The following ADARB2 variants were observed in gnomAD, a reference collection of about 807,000 sequenced individuals.
The protein encoded by ADARB2 is inactive double-stranded RNA-specific editase B2.
Under a neutral mutation model 62.2 loss-of-function variants are expected in ADARB2, and 25 were observed. That is an observed-to-expected ratio of 0.40 (90% CI 0.29 to 0.56). ADARB2 has a LOEUF of 0.56. Among genes scored for constraint, ADARB2 ranks in the 20% least tolerant of loss-of-function variants. The probability of loss-of-function intolerance (pLI) is 0.43; values close to 1 mark genes in which losing one functional copy is unlikely to be tolerated. For missense variants in ADARB2, 1,071 were observed against 1,077.4 expected, an observed-to-expected ratio of 0.99 and a Z score of 0.08; for synonymous variants, 572 against 500.8, an observed-to-expected ratio of 1.14 and a Z score of -1.90.
chr10:1,363,583 C>T lies in ADARB2; in HGVS notation c.522G>A (p.Lys174=), dbSNP rs2131850871. 2 of 1,589,262 alleles carry T rather than the reference C, an allele frequency of 1.3e-6. No homozygotes were observed. The highest frequency in any genetic ancestry group is 1.7e-6 in the Non-Finnish European group (2 of 1,168,504). Residue 174 remains lysine, a synonymous_variant, in exon 3 of 10, where the codon AAG becomes AAA. Coordinates refer to ENST00000381312, the MANE Select transcript of ADARB2 (RefSeq NM_018702.4). ...GLTFEGTGPT[K]KKAKMRAAEL... is the part of the protein sequence containing the mutation. ...CCGCCGCGCGCATCTTGGCCTTCTT[C>T]TTGGTGGGGCCTGTGCCCTCGAACG... is the stretch of plus-strand genomic sequence containing the variant.
At chr10:1,220,056 G>A (rs1830672897) in intron 6 of ADARB2, among the ~76,000 whole-genome samples, 2 of 149,990 alleles carry the variant, frequency 1.3e-5, no homozygotes, top group Admixed American at 6.7e-5. Context: ...TGATGGTGGT[G>A]GTGGTGATGA....
At chr10:1,482,605 A>G (rs1291279400) in intron 1 of ADARB2, among the ~76,000 whole-genome samples, 1 of 152,240 alleles carries the variant, frequency 6.6e-6, no homozygotes, top group African/African-American at 2.4e-5. Flanking sequence ...AGGTGTTGGC[A>G]CAACACTGAG....
At chr10:1,387,697 T>C (rs920492301) in intron 1 of ADARB2, among the ~76,000 whole-genome samples, 1 of 152,156 alleles carries the variant, frequency 6.6e-6, no homozygotes, top group Non-Finnish European at 1.5e-5. Context: ...ATACCAATTC[T>C]GTGCAAAATT....
intron 1 of ADARB2, among the ~76,000 whole-genome samples, chr10:1,730,169 C>T (rs1468957711): frequency 6.6e-6 from 1 of 152,162 alleles, no homozygotes; most frequent in African/African-American, 2.4e-5. Context: ...AATGGCAAAA[C>T]AACAGCCACA....
chr10:1,474,209 G>C (rs1262855435), intron 1 of ADARB2, among the ~76,000 whole-genome samples: 1 of 152,326 alleles, frequency 6.6e-6, no homozygotes, highest in East Asian at 1.9e-4. Flanking sequence ...TCTTCTCCAT[G>C]GACACCCTGC....
chr10:1,262,489 C>A (rs1035907070), intron 4 of ADARB2, among the ~76,000 whole-genome samples: 1 of 152,040 alleles, frequency 6.6e-6, no homozygotes, highest in African/African-American at 2.4e-5. Context: ...TGAACAGACA[C>A]TTCTCAAAAG....
intron 4 of ADARB2, among the ~76,000 whole-genome samples, chr10:1,266,271 C>T (rs746763631): frequency 1.3e-5 from 2 of 152,348 alleles, no homozygotes; most frequent in South Asian, 4.1e-4. Context: ...GAGGGCCCAG[C>T]CTCGTGCCTG....
intron 1 of ADARB2, among the ~76,000 whole-genome samples, chr10:1,594,356 C>G (rs900339861): frequency 7.2e-5 from 11 of 152,100 alleles, no homozygotes; most frequent in Non-Finnish European, 1.6e-4. Flanking sequence ...TGACTGCCTC[C>G]CGGGGCGAGG....
intron 1 of ADARB2, among the ~76,000 whole-genome samples, chr10:1,416,912 T>C (rs1325639767): frequency 2.6e-5 from 4 of 151,488 alleles, no homozygotes; most frequent in Admixed American, 2.6e-4. Flanking sequence ...AGAAGGGAGG[T>C]GGGTGCAGCA....
intron 1 of ADARB2, among the ~76,000 whole-genome samples, chr10:1,529,845 A>G (rs1409836443): frequency 1.3e-5 from 2 of 152,124 alleles, no homozygotes; most frequent in African/African-American, 4.8e-5. Flanking sequence ...ATGGCTGGGA[A>G]GCCGCTCTCT....
intron 1 of ADARB2, among the ~76,000 whole-genome samples, chr10:1,612,791 G>A (rs549662432): frequency 1.4e-4 from 22 of 152,300 alleles, no homozygotes; most frequent in South Asian, 2.1e-4. Context: ...TAAGGGCTAC[G>A]TTGTATAAGC....
intron 1 of ADARB2, among the ~76,000 whole-genome samples, chr10:1,449,814 G>C (rs1831015866): frequency 6.6e-6 from 1 of 152,186 alleles, no homozygotes; most frequent in South Asian, 2.1e-4. Context: ...CTAAATTAAG[G>C]ACTTTACGGA....
At chr10:1,264,145 A>G (rs1831170903) in intron 4 of ADARB2, among the ~76,000 whole-genome samples, 1 of 152,144 alleles carries the variant, frequency 6.6e-6, no homozygotes, top group Non-Finnish European at 1.5e-5. Context: ...TCCACTTAGT[A>G]ATCATTAAGA....
chr10:1,272,828 C>T (rs188678135), intron 3 of ADARB2, among the ~76,000 whole-genome samples: 168 of 152,314 alleles, frequency 1.1e-3, no homozygotes, highest in Non-Finnish European at 2.0e-3. Context: ...ATACCCTTAA[C>T]TGGGGGTCTT....
intron 1 of ADARB2, among the ~76,000 whole-genome samples, chr10:1,736,620 C>T (rs1240816326): frequency 2.6e-5 from 4 of 152,254 alleles, no homozygotes; most frequent in East Asian, 1.9e-4. Flanking sequence ...ATCCCTTCCT[C>T]CGGGACAGTT....
intron 6 of ADARB2, among the ~76,000 whole-genome samples, chr10:1,220,239 GATA>G (rs1466913462): frequency 2.7e-5 from 4 of 148,814 alleles, no homozygotes; most frequent in Admixed American, 6.7e-5. Flanking sequence ...TGATGGTGGT[GATA>G]ATGGTGGTGG....
chr10:1,718,185 G>A (rs185445288), intron 1 of ADARB2, among the ~76,000 whole-genome samples: 31 of 152,238 alleles, frequency 2.0e-4, no homozygotes, highest in African/African-American at 6.5e-4. Context: ...GGTGATGGCC[G>A]GGGCAGAAAC....
chr10:1,265,157 A>G (rs1320821876), intron 4 of ADARB2, among the ~76,000 whole-genome samples: 1 of 152,252 alleles, frequency 6.6e-6, no homozygotes, highest in Admixed American at 6.5e-5. Context: ...CAGGAAAGCC[A>G]CTTGGCCTCT....
At chr10:1,363,974 C>T (rs1832289706) in intron 2 of ADARB2, 57 bp from the exon 3 acceptor site, 2 of 1,411,644 alleles carry the variant, frequency 1.4e-6, no homozygotes, top group South Asian at 3.1e-5. Flanking sequence ...GGTCGATGGG[C>T]ACAGCAGGCA....
Sources: gnomAD v4.1 joint callset for allele counts (sites outside exome capture counted in the v4.1 genomes callset) on GRCh38, gnomAD v4.1.1 for gene constraint, MANE v1.5 for transcripts, NCBI Gene and HGNC (gene_info 2026-07-23, HGNC 2026-07-21) for gene names.